FBH1: variants seen among roughly 807,000 people sequenced by gnomAD.
FBH1 encodes the protein F-box DNA helicase 1.
FBH1 carries 43 observed loss-of-function variants against 115.5 expected under a neutral mutation model. That is an observed-to-expected ratio of 0.37 (90% confidence interval 0.29 to 0.48). The LOEUF (loss-of-function observed/expected upper bound fraction) is 0.48, where lower values mean the gene tolerates loss of function less well. Among genes scored for constraint, FBH1 ranks in the 20% least tolerant of loss-of-function variants. The pLI, the probability that FBH1 is intolerant of heterozygous loss-of-function variation, is 0.99. For missense variants in FBH1, 1,001 were observed against 1,337.3 expected (o/e 0.75, Z 3.92); for synonymous variants, 524 against 507.8 (o/e 1.03, Z -0.43).
Position 5,909,083 on chromosome 10 carries a change from G to T in FBH1, c.884+28G>T, listed in dbSNP as rs371573171. 1.2e-5 allele frequency: 20 copies of T among 1,613,832 alleles called. No homozygotes were observed. The highest frequency in any genetic ancestry group is 1.6e-5 in the Non-Finnish European group (19 of 1,180,024). The stretch of plus-strand genomic sequence containing the variant: ...GAGCTTTGCCTGTGCTGTAAAGAAG[G>T]CGTCTTTGAAGTCTTCCTTGTACAT... On this transcript the variant is annotated intron_variant, in intron 4 of 20. Coordinates refer to ENST00000362091, the MANE Select transcript of FBH1 (RefSeq NM_178150.3). The surrounding 1 kb of genome is among the most constrained non-coding windows in gnomAD (Gnocchi z 4.4).
intron 19 of FBH1, among the ~76,000 whole-genome samples, chr10:5,930,226 G>A (rs1209851625): frequency 1.3e-5 from 2 of 152,136 alleles, no homozygotes; most frequent in African/African-American, 4.8e-5. Context: ...TCTACTACCC[G>A]ATCCATAATT....
intron 19 of FBH1, chr10:5,928,658 C>G (rs1225587044): frequency 6.6e-6 from 1 of 152,048 alleles, no homozygotes; most frequent in Non-Finnish European, 1.5e-5. Flanking sequence ...CACTCTTTAC[C>G]CTTCCCACAA....
At chr10:5,907,584 G>T (rs1251796951) in intron 3 of FBH1, among the ~76,000 whole-genome samples, 4 of 143,286 alleles carry the variant, frequency 2.8e-5, no homozygotes, top group African/African-American at 7.8e-5. Flanking sequence ...AGTGATTCTT[G>T]TGCCTTAGCC....
In FBH1 at chr10:5,918,254, A is replaced by G; in HGVS notation, c.1964-88A>G. The G allele has an allele frequency of 6.5e-7, 1 of 1,533,884 alleles. No individual in the cohort carries two copies. The highest frequency in any genetic ancestry group is 8.8e-7 in the Non-Finnish European group (1 of 1,134,310). Reference sequence around the variant, plus strand: ...CGTGAGGTCCAGTGTGCCCTGGCTTAGCTTCGTGGAAGTGTTTTTGTCCTT... The same window carrying G: ...CGTGAGGTCCAGTGTGCCCTGGCTTGGCTTCGTGGAAGTGTTTTTGTCCTT... On this transcript the variant is annotated intron_variant, in intron 12 of 20. Coordinates refer to ENST00000362091, the MANE Select transcript of FBH1 (RefSeq NM_178150.3). The surrounding 1 kb of genome is among the most constrained non-coding windows in gnomAD (Gnocchi z 4.0).
Position 5,937,476 on chromosome 10 carries a change from C to T in FBH1, c.*196C>T. The T allele has an allele frequency of 2.2e-6, 1 of 446,598 alleles. No homozygotes were observed. The highest frequency in any genetic ancestry group is 3.8e-6 in the Non-Finnish European group (1 of 262,864). 27.7% of individuals were successfully genotyped at this position (446,598 alleles called of 1,614,324 possible). A position where few individuals can be genotyped will look rare whatever the true frequency, so the allele number is the denominator to read the frequency against. On this transcript the variant is annotated 3_prime_UTR_variant, in exon 21 of 21. Transcript: ENST00000362091. The stretch of plus-strand genomic sequence containing the variant: ...CAGCCAGTCTCCACTTGCCTCCCCT[C>T]TGGATGTATCTGGTCAGGGAAGTGG...
rs764915510 is a variant in FBH1 at position 5,924,161 on chromosome 10, A to G, written c.2399-150A>G. On this transcript the variant is annotated intron_variant, in intron 16 of 20. Coordinates refer to ENST00000362091, the MANE Select transcript of FBH1 (RefSeq NM_178150.3). The surrounding 1 kb of genome is among the most constrained non-coding windows in gnomAD (Gnocchi z 6.2). Reference sequence around the variant, plus strand: ...TGCACTGACTTGCCCAGGGACACACAGCGAGTTAGTGATGCAGTCAGGCCT... The same window carrying G: ...TGCACTGACTTGCCCAGGGACACACGGCGAGTTAGTGATGCAGTCAGGCCT... The G allele has an allele frequency of 3.0e-4, 209 of 687,426 alleles. No homozygotes were observed. Among genetic ancestry groups the G allele is most frequent in the Non-Finnish European group, 4.5e-4 (181 of 401,932 alleles). The allele number at this position is 687,426 out of a possible 1,614,324, so 42.6% of individuals were successfully genotyped here.
chr10:5,891,045 G>T, intron 1 of FBH1: 1 of 483,748 alleles, frequency 2.1e-6, no homozygotes, highest in Non-Finnish European at 2.7e-6. Context: ...AACCCTATGA[G>T]GCATCAGTAG....
chr10:5,898,469 G>A (rs868439776), intron 1 of FBH1, among the ~76,000 whole-genome samples: 46 of 151,666 alleles, frequency 3.0e-4, no homozygotes, highest in African/African-American at 1.1e-3. Flanking sequence ...GGAGTGCAGT[G>A]GCACAATCTT....
chr10:5,929,690 T>C (rs1832863037), intron 19 of FBH1: 1 of 152,218 alleles, frequency 6.6e-6, no homozygotes, highest in Non-Finnish European at 1.5e-5. Flanking sequence ...TGAACAAGTA[T>C]GGCTGTGTTC....
intron 1 of FBH1, 95 bp from the exon 2 acceptor site, chr10:5,902,925 C>A: frequency 8.2e-7 from 1 of 1,225,086 alleles, no homozygotes. Context: ...AATCGTGTCA[C>A]TATGCAGAAA....
At chr10:5,922,789 C>G (rs748002660) in intron 15 of FBH1, among the ~76,000 whole-genome samples, 1 of 152,230 alleles carries the variant, frequency 6.6e-6, no homozygotes, top group Non-Finnish European at 1.5e-5. Context: ...TCAGCAGATG[C>G]TTTTGGAAGA....
intron 15 of FBH1, among the ~76,000 whole-genome samples, chr10:5,922,577 G>C (rs682555): frequency 0.9 from 136,374 of 152,312 alleles, 61,129 homozygotes; most frequent in African/African-American, 0.93. Flanking sequence ...CCACTTACTA[G>C]CTGTACCATG....
intron 19 of FBH1, chr10:5,929,683 A>G (rs1832862384): frequency 6.6e-6 from 1 of 152,202 alleles, no homozygotes; most frequent in Non-Finnish European, 1.5e-5. Flanking sequence ...ACATTAGTGA[A>G]CAAGTATGGC....
chr10:5,890,580 G>T (rs1047219662), intron 1 of FBH1, among the ~76,000 whole-genome samples: 9 of 151,126 alleles, frequency 6.0e-5, no homozygotes, highest in Non-Finnish European at 1.3e-4. Flanking sequence ...CACTGAACTC[G>T]GTCGGGAGCG....
Position 5,918,774 on chromosome 10 carries a change from T to C in FBH1, c.2100+296T>C, listed in dbSNP as rs1832134686. Among the ~76,000 whole-genome samples, 1 of 152,246 alleles carries C rather than the reference T, an allele frequency of 6.6e-6. No homozygotes were observed. The highest frequency in any genetic ancestry group is 2.4e-5 in the African/African-American group (1 of 41,458). ...TTAGACCAGCGCTGGTTGTTCAGAC[T>C]TGTGTATTTGGCACTTTTTCAAAGA... On this transcript the variant is annotated intron_variant, in intron 13 of 20. Coordinates refer to ENST00000362091, the MANE Select transcript of FBH1 (RefSeq NM_178150.3). The surrounding 1 kb of genome is among the most constrained non-coding windows in gnomAD (Gnocchi z 4.0).
At position 5,918,206 on chromosome 10, in the gene FBH1, C is replaced by A; in HGVS notation, c.1964-136C>A. 4 of 948,016 alleles carry A rather than the reference C, an allele frequency of 4.2e-6. No homozygotes were observed. The highest frequency in any genetic ancestry group is 6.4e-6 in the Non-Finnish European group (4 of 629,062). 58.7% of individuals were successfully genotyped at this position (948,016 alleles called of 1,614,324 possible). ...AAATGGCTGCTTTTGATGGAGTGTG[C>A]CTGTCCTACAGGAAAAGGCGACCGT... On this transcript the variant is annotated intron_variant, in intron 12 of 20. Coordinates refer to ENST00000362091, the MANE Select transcript of FBH1 (RefSeq NM_178150.3). The surrounding 1 kb of genome is among the most constrained non-coding windows in gnomAD (Gnocchi z 4.0).
intron 1 of FBH1, 86 bp downstream of exon 1, chr10:5,890,432 T>A (rs2131799661): frequency 1.2e-5 from 4 of 341,898 alleles, no homozygotes; most frequent in Admixed American, 4.9e-5. Flanking sequence ...GCGCGGGGGG[T>A]CCGGGCCCGG....
Position 5,900,496 on chromosome 10 carries a change from C to A in FBH1, c.2-2524C>A, listed in dbSNP as rs751654292. On this transcript the variant is annotated intron_variant, in intron 1 of 20. Transcript: ENST00000362091. This position sits in a 1 kb window ranked among gnomAD's most constrained non-coding sequence, Gnocchi z 4.2. ...CTGTGCTGCTTCGTGAGAGTGAGCGCATCTGTGATTGCTGAGGCCTGGCGC... is the reference window on the plus strand; with the variant it reads ...CTGTGCTGCTTCGTGAGAGTGAGCGAATCTGTGATTGCTGAGGCCTGGCGC... 1.3e-5 allele frequency among the ~76,000 whole-genome samples: 2 copies of A among 152,204 alleles called. No individual in the cohort carries two copies. Among genetic ancestry groups the A allele is most frequent in the Admixed American group, 6.5e-5 (1 of 15,278 alleles).
intron 9 of FBH1, 145 bp from the exon 10 acceptor site, chr10:5,916,087 CAG>C: frequency 1.4e-6 from 1 of 693,106 alleles, no homozygotes. Flanking sequence ...ATGGACCATG[CAG>C]AACTTTTTCG....
Sources: gnomAD v4.1 joint callset for allele counts (sites outside exome capture counted in the v4.1 genomes callset) on GRCh38, gnomAD v4.1.1 for gene constraint, Gnocchi (gnomAD v3.1) non-coding constraint, MANE v1.5 for transcripts, NCBI Gene and HGNC (gene_info 2026-07-23, HGNC 2026-07-21) for gene names.